Variants in AGK observed in about 807,000 individuals in gnomAD.
AGK encodes the protein acylglycerol kinase.
In AGK, 52 loss-of-function variants were observed where a neutral mutation model predicts 66.4. The observed-to-expected ratio is 0.78, with a 90% CI of 0.63 to 0.99. The LOEUF (loss-of-function observed/expected upper bound fraction) is 0.99. Ranked by LOEUF, AGK falls within the 50% of genes least tolerant of loss-of-function variation. The pLI is 0.00. For missense variants in AGK, 451 were observed against 506.6 expected (o/e 0.89, Z 1.05); for synonymous variants, 182 against 181.1 (o/e 1.00, Z -0.04).
In AGK at chr7:141,596,934, G is replaced by A; in HGVS notation, c.221+293G>A. The A allele has an allele frequency of 6.5e-6, 2 of 307,174 alleles. 1 individual carries two copies. The highest frequency in any genetic ancestry group is 1.1e-4 in the South Asian group (2 of 18,978). The allele number at this position is 307,174 out of a possible 1,614,324, so 19.0% of individuals were successfully genotyped here. A position where few individuals can be genotyped will look rare whatever the true frequency, so the allele number is the denominator to read the frequency against. On this transcript the variant is annotated intron_variant, in intron 4 of 15. Coordinates refer to ENST00000649286, the MANE Select transcript of AGK (RefSeq NM_018238.4). ...TCCCCTCGGGAGCGACTGCTGTACT[G>A]CTAGGACGTAAATCCTTAGGCCATC...
At chr7:141,609,210 C>A (rs539447047) in intron 5 of AGK, among the ~76,000 whole-genome samples, 1 of 152,216 alleles carries the variant, frequency 6.6e-6, no homozygotes, top group African/African-American at 2.4e-5. Flanking sequence ...TCCAACAATT[C>A]AATTCAATTT....
At position 141,608,722 on chromosome 7, in the gene AGK, C is replaced by T. The variant is rs541327471; in HGVS notation, c.298-2473C>T. On this transcript the variant is annotated intron_variant, in intron 5 of 15. Transcript: ENST00000649286. ...GGACATAGATATTCAGTTGGTAGCT[C>T]ATCCACTTACTTGTTTTCTAGCATG... 2.0e-5 allele frequency among the ~76,000 whole-genome samples: 3 copies of T among 152,286 alleles called. No individual in the cohort carries two copies. In the East Asian group the frequency reaches 5.8e-4, roughly 29 times the overall value.
chr7:141,575,142 A>G (rs557070054), intron 2 of AGK, among the ~76,000 whole-genome samples: 3 of 152,358 alleles, frequency 2.0e-5, no homozygotes, highest in East Asian at 3.9e-4. Context: ...TTGCCAGTAC[A>G]TATGGTGGAA....
At chr7:141,593,331 G>A in intron 3 of AGK, 146 bp downstream of exon 3, 1 of 761,338 alleles carries the variant, frequency 1.3e-6, no homozygotes, top group East Asian at 2.7e-5. Flanking sequence ...CACGCTGGGA[G>A]CCAACTCTGA....
At chr7:141,640,121 C>G (rs1394534984) in intron 11 of AGK, among the ~76,000 whole-genome samples, 1 of 152,100 alleles carries the variant, frequency 6.6e-6, no homozygotes, top group Non-Finnish European at 1.5e-5. Flanking sequence ...GGTATGAAAA[C>G]AAATGCAGGA....
chr7:141,600,266 G>T (rs1796315306), intron 4 of AGK, among the ~76,000 whole-genome samples: 1 of 151,992 alleles, frequency 6.6e-6, no homozygotes, highest in African/African-American at 2.4e-5. Flanking sequence ...TCAACTAATT[G>T]GTATGTTTTA....
chr7:141,587,709 C>G (rs1350651585), intron 2 of AGK, among the ~76,000 whole-genome samples: 1 of 152,168 alleles, frequency 6.6e-6, no homozygotes, highest in Non-Finnish European at 1.5e-5. Context: ...TCTCTCAAAA[C>G]TAGGTTAGAT....
chr7:141,624,996 GATCAGTCAGCAGCTATCAGCAT>G (rs1433777637), intron 9 of AGK, among the ~76,000 whole-genome samples: 2 of 152,260 alleles, frequency 1.3e-5, no homozygotes, highest in Middle Eastern at 3.4e-3. Context: ...CCACCACCCT[GATCAGTCAGCAGCTATCAGCAT>G]GGAGGCAAGA....
chr7:141,641,436 T>C (rs747454092), intron 12 of AGK, 38 bp downstream of exon 12: 29 of 1,595,198 alleles, frequency 1.8e-5, no homozygotes, highest in Non-Finnish European at 2.5e-5. Context: ...AGGGCCCTGG[T>C]CAGTTTAGAA....
At chr7:141,581,441 T>G (rs550378641) in intron 2 of AGK, among the ~76,000 whole-genome samples, 8 of 152,034 alleles carry the variant, frequency 5.3e-5, no homozygotes, top group African/African-American at 1.9e-4. Flanking sequence ...TAACCTATAA[T>G]GCTTGTCTGG....
intron 2 of AGK, among the ~76,000 whole-genome samples, chr7:141,576,619 A>G (rs1163520861): frequency 6.6e-6 from 1 of 150,548 alleles, no homozygotes; most frequent in African/African-American, 2.5e-5. Context: ...TACTGATACT[A>G]GAGACAAGGG....
rs762680550 is a variant in AGK, at chr7:141,601,240, C to T, written c.257C>T (p.Pro86Leu). Residue 86 changes from proline (P) to leucine (L), a missense_variant, in exon 5 of 16, where the codon CCG becomes CTG. Coordinates refer to ENST00000649286, the MANE Select transcript of AGK (RefSeq NM_018238.4). The stretch of plus-strand genomic sequence containing the variant: ...ACTCTATTTGAAAAAAATGCTGCCC[C>T]GATTTTACATTTATCTGGCATGGAT... ...ARTLFEKNAAPILHLSGMDVT... is the reference protein window; with the variant it reads ...ARTLFEKNAALILHLSGMDVT... 9 of 1,612,610 alleles carry T rather than the reference C, an allele frequency of 5.6e-6. No individual in the cohort carries two copies. Among genetic ancestry groups the T allele is most frequent in the South Asian group, 4.4e-5 (4 of 90,946 alleles).
intron 2 of AGK, among the ~76,000 whole-genome samples, chr7:141,567,944 A>T (rs931477977): frequency 3.9e-5 from 6 of 152,210 alleles, no homozygotes; most frequent in Admixed American, 3.9e-4. Context: ...TAATATCTCA[A>T]TGGGTCACTG....
chr7:141,653,057 C>G lies in AGK; in HGVS notation c.*133C>G. The G allele has an allele frequency of 9.5e-7, 1 of 1,057,566 alleles. No homozygotes were observed. Among genetic ancestry groups the G allele is most frequent in the Non-Finnish European group, 1.4e-6 (1 of 732,734 alleles). 65.5% of individuals were successfully genotyped at this position (1,057,566 alleles called of 1,614,324 possible). ...ATTTTCATGGCAAGTACCCCTCTGCCCCCACTCCAGCAGTGCTTCCCAAAG... is the reference window on the plus strand; with the variant it reads ...ATTTTCATGGCAAGTACCCCTCTGCGCCCACTCCAGCAGTGCTTCCCAAAG... On this transcript the variant is annotated 3_prime_UTR_variant, in exon 16 of 16. Coordinates refer to ENST00000649286, the MANE Select transcript of AGK (RefSeq NM_018238.4).
At chr7:141,556,917 C>T (rs1795221117) in intron 2 of AGK, among the ~76,000 whole-genome samples, 5 of 152,268 alleles carry the variant, frequency 3.3e-5, no homozygotes, top group African/African-American at 1.2e-4. Flanking sequence ...TGCCAGAGCT[C>T]CTCTTTTAGT....
At chr7:141,588,540 CG>C (rs1562965988) in intron 2 of AGK, among the ~76,000 whole-genome samples, 1 of 151,618 alleles carries the variant, frequency 6.6e-6, no homozygotes, top group African/African-American at 2.4e-5. Context: ...CACTTGAACC[CG>C]GGAGATGGAA....
chr7:141,555,720 C>A lies in AGK; in HGVS notation c.101+153C>A, dbSNP rs143949037. On this transcript the variant is annotated intron_variant, in intron 2 of 15. Transcript: ENST00000649286. This position sits in a 1 kb window ranked among gnomAD's most constrained non-coding sequence, Gnocchi z 4.2. Reference sequence around the variant, plus strand: ...CTATTCAAAGCAAAAACAAAGACTTCTTGTAACCAGAGCTGGAACTACATG... The same window carrying A: ...CTATTCAAAGCAAAAACAAAGACTTATTGTAACCAGAGCTGGAACTACATG... Among the ~76,000 whole-genome samples, 51 of 152,328 alleles carry A rather than the reference C, an allele frequency of 3.3e-4. No homozygotes were observed. The highest frequency in any genetic ancestry group is 1.2e-3 in the African/African-American group (50 of 41,570).
intron 2 of AGK, among the ~76,000 whole-genome samples, chr7:141,584,308 A>G (rs994774755): frequency 6.6e-6 from 1 of 152,062 alleles, no homozygotes; most frequent in Non-Finnish European, 1.5e-5. Context: ...TTCACAAGGT[A>G]ATGTCATCAG....
At chr7:141,643,630 A>G (rs1352318279) in intron 13 of AGK, among the ~76,000 whole-genome samples, 9 of 152,200 alleles carry the variant, frequency 5.9e-5, no homozygotes, top group Admixed American at 1.3e-4. Context: ...AGGGGTAAGA[A>G]TAGAAAATTC....
Sources: allele counts gnomAD v4.1 joint callset (sites outside exome capture counted in the v4.1 genomes callset), GRCh38; gene constraint gnomAD v4.1.1; non-coding constraint Gnocchi (gnomAD v3.1); transcripts MANE v1.5; gene names NCBI Gene and HGNC (gene_info 2026-07-23, HGNC 2026-07-21).